The following CD109 variants were observed in gnomAD, a reference collection of about 807,000 sequenced individuals.
CD109 encodes CD109 molecule.
CD109 carries 149 observed loss-of-function variants against 165.8 expected under a neutral mutation model. The observed-to-expected ratio is 0.90, with a 90% CI of 0.79 to 1.03. The LOEUF is 1.03. CD109 is among the 50% of genes least tolerant of loss of function. The pLI, the probability that CD109 is intolerant of heterozygous loss-of-function variation, is 0.00. For missense variants in CD109, 1,712 were observed against 1,677.8 expected (o/e 1.02, Z -0.36); for synonymous variants, 585 against 592.1 (o/e 0.99, Z 0.18).
intron 14 of CD109, among the ~76,000 whole-genome samples, chr6:73,768,630 G>C (rs1167520888): frequency 7.2e-5 from 11 of 152,232 alleles, no homozygotes; most frequent in Non-Finnish European, 1.6e-4. Flanking sequence ...CGTAGAAGCA[G>C]AGCTGGGCTT....
intron 24 of CD109, among the ~76,000 whole-genome samples, chr6:73,803,649 A>C (rs1775459404): frequency 6.6e-6 from 1 of 150,598 alleles, no homozygotes; most frequent in African/African-American, 2.5e-5. Flanking sequence ...TTCCATGACT[A>C]ATACAAGTGT....
At chr6:73,686,715 A>G in the CD109 span, among the ~76,000 whole-genome samples, 1 of 152,250 alleles carries the variant, frequency 6.6e-6, no homozygotes, top group South Asian at 2.1e-4. Flanking sequence ...TTTTTGAGAC[A>G]GAGTCTTTCT....
At chr6:73,698,633 G>A (rs1267708979) in intron 2 of CD109, among the ~76,000 whole-genome samples, 1 of 152,206 alleles carries the variant, frequency 6.6e-6, no homozygotes. Flanking sequence ...AAAAGTAAAA[G>A]TTTATCTGCA....
chr6:73,805,338 A>T (rs558974587), intron 24 of CD109, among the ~76,000 whole-genome samples: 2 of 152,288 alleles, frequency 1.3e-5, no homozygotes, highest in East Asian at 3.9e-4. Flanking sequence ...TGTGCTTTAG[A>T]TATGCATACA....
chr6:73,792,033 A>G (rs1455380564), intron 22 of CD109, among the ~76,000 whole-genome samples: 1 of 152,150 alleles, frequency 6.6e-6, no homozygotes, highest in East Asian at 1.9e-4. Flanking sequence ...TGGTGTTAGG[A>G]TGTGGGTAGA....
intron 5 of CD109, among the ~76,000 whole-genome samples, chr6:73,750,157 C>G (rs1056348580): frequency 6.6e-6 from 1 of 152,042 alleles, no homozygotes; most frequent in Non-Finnish European, 1.5e-5. Context: ...GACTGGATTT[C>G]GATTGGAGCA....
At position 73,809,975 on chromosome 6, in the gene CD109, C is replaced by G. The variant is rs928990887; in HGVS notation, c.3356-9C>G. 1.3e-6 allele frequency: 2 copies of G among 1,578,096 alleles called. No individual in the cohort carries two copies. Among genetic ancestry groups the G allele is most frequent in the African/African-American group, 2.8e-5 (2 of 72,688 alleles). On this transcript the variant is annotated splice_polypyrimidine_tract_variant and intron_variant, in intron 26 of 32. Coordinates refer to ENST00000287097, the MANE Select transcript of CD109 (RefSeq NM_133493.5). ...AATTGATCAGAATGTTATTACTTTT[C>G]TCTTGCAGGTGGCATGCAATTCTGG...
intron 29 of CD109, among the ~76,000 whole-genome samples, chr6:73,812,596 G>A (rs1021860253): frequency 1.3e-5 from 2 of 152,008 alleles, no homozygotes; most frequent in Non-Finnish European, 2.9e-5. Context: ...ATTCATCTGA[G>A]AATATAGAAG....
At chr6:73,780,839 T>C (rs1774461614) in intron 16 of CD109, among the ~76,000 whole-genome samples, 1 of 109,490 alleles carries the variant, frequency 9.1e-6, no homozygotes, top group South Asian at 2.6e-4. Flanking sequence ...TGTATATATA[T>C]AATATATAAA....
At chr6:73,756,802 G>A in intron 6 of CD109, 120 bp downstream of exon 6, 2 of 655,120 alleles carry the variant, frequency 3.1e-6, no homozygotes, top group East Asian at 3.3e-5. Flanking sequence ...TAAAATTCTG[G>A]TGTTTTTTAA....
intron 5 of CD109, among the ~76,000 whole-genome samples, chr6:73,737,321 G>A (rs578075757): frequency 4.6e-5 from 7 of 152,184 alleles, no homozygotes; most frequent in South Asian, 2.1e-4. Flanking sequence ...GGTGGGACTC[G>A]TGTGTGAATT....
chr6:73,680,117 G>A, the CD109 span, among the ~76,000 whole-genome samples: 2 of 151,992 alleles, frequency 1.3e-5, no homozygotes, highest in Admixed American at 6.6e-5. Flanking sequence ...GAGTGAATTC[G>A]TGATTCATTT....
At chr6:73,734,607 A>G (rs1045580013) in intron 4 of CD109, among the ~76,000 whole-genome samples, 1 of 152,204 alleles carries the variant, frequency 6.6e-6, no homozygotes, top group Non-Finnish European at 1.5e-5. Context: ...TTTACCAAGG[A>G]TACAGTGACC....
intron 15 of CD109, among the ~76,000 whole-genome samples, chr6:73,772,639 T>C (rs1052408962): frequency 1.3e-5 from 2 of 151,964 alleles, no homozygotes; most frequent in African/African-American, 4.8e-5. Context: ...TAGCATTGCA[T>C]AAATGAATCC....
rs971753548 is a variant in CD109, at chr6:73,748,850, T to C, written c.634-7793T>C. On this transcript the variant is annotated intron_variant, in intron 5 of 32. Coordinates refer to ENST00000287097, the MANE Select transcript of CD109 (RefSeq NM_133493.5). ...ATGTTAATAAACATTTTCTCTCATT[T>C]TGCAAACCCTATTGACTCTGTCATT... Among the ~76,000 whole-genome samples the C allele has an allele frequency of 2.0e-5, 3 of 152,356 alleles. No homozygotes were observed. The East Asian group carries it at 5.8e-4, about 29-fold the overall frequency.
Position 73,763,692 on chromosome 6 carries a change from T to G in CD109, c.1107+7T>G, listed in dbSNP as rs1380166342. Reference sequence around the variant, plus strand: ...TCTCAACTTCACAGCCACTGTAAGTTGGTATATTTATTTCCAGTCCATAGC... The same window carrying G: ...TCTCAACTTCACAGCCACTGTAAGTGGGTATATTTATTTCCAGTCCATAGC... On this transcript the variant is annotated splice_region_variant and intron_variant, in intron 10 of 32. Transcript: ENST00000287097. 1 of 1,456,366 alleles carries G rather than the reference T, an allele frequency of 6.9e-7. No individual in the cohort carries two copies. The highest frequency in any genetic ancestry group is 1.8e-5 in the Admixed American group (1 of 56,276). The allele number at this position is 1,456,366 out of a possible 1,614,324, so 90.2% of individuals were successfully genotyped here.
In CD109 at chr6:73,811,070, G is replaced by A. The variant is rs762950853; in HGVS notation, c.3625G>A (p.Val1209Met). The A allele has an allele frequency of 3.7e-6, 6 of 1,613,452 alleles. No homozygotes were observed. The South Asian group carries it at 5.5e-5, about 15-fold the overall frequency. The change falls in exon 28 of 33, where the codon GTG (valine) becomes ATG (methionine). Residue 1209 changes from valine (V) to methionine (M), a missense_variant. Coordinates refer to ENST00000287097, the MANE Select transcript of CD109 (RefSeq NM_133493.5). ...NTERTNIQVT[V>M]TGPSSPSPVK... ...AGAAAGGACAAATATCCAAGTGACC[G>A]TGACGGGGCCTAGCTCACCAAGTCC...
chr6:73,815,120 CAAGGT>C lies in CD109; in HGVS notation c.3911+1_3911+5del, dbSNP rs1320239646. On this transcript the variant is annotated splice_donor_variant and coding_sequence_variant, in exon 30 of 33. Coordinates refer to ENST00000287097, the MANE Select transcript of CD109 (RefSeq NM_133493.5). LOFTEE classifies it high-confidence loss of function. ...AATCATGTGGATTTGAATGTGTGTACAAGGTAAGTGTCTGCTTAGGTCTCTCTTCT... is the reference window on the plus strand; with the variant it reads ...AATCATGTGGATTTGAATGTGTGTACAAGTGTCTGCTTAGGTCTCTCTTCT... 1 of 1,582,068 alleles carries C rather than the reference CAAGGT, an allele frequency of 6.3e-7. No homozygotes were observed. The highest frequency in any genetic ancestry group is 8.5e-7 in the Non-Finnish European group (1 of 1,170,090).
At chr6:73,822,835 A>C (rs1776145558) in intron 32 of CD109, among the ~76,000 whole-genome samples, 1 of 152,228 alleles carries the variant, frequency 6.6e-6, no homozygotes, top group East Asian at 1.9e-4. Context: ...AAAAATCATG[A>C]ATAAATTTGA....
Sources: allele counts gnomAD v4.1 joint callset (sites outside exome capture counted in the v4.1 genomes callset), GRCh38; gene constraint gnomAD v4.1.1; transcripts MANE v1.5; gene names NCBI Gene and HGNC (gene_info 2026-07-23, HGNC 2026-07-21).